The following MYO18B variants were observed in gnomAD, a reference collection of about 807,000 sequenced individuals.
MYO18B encodes the protein unconventional myosin-XVIIIb.
Under a neutral mutation model 273.0 loss-of-function variants are expected in MYO18B, and 204 were observed. The observed-to-expected ratio is 0.75, with a 90% CI of 0.67 to 0.84. MYO18B has a LOEUF of 0.84. Ranked by LOEUF, MYO18B falls within the 40% of genes least tolerant of loss-of-function variation. MYO18B has a pLI of 0.00. For missense variants in MYO18B, 3,212 were observed against 3,287.6 expected (o/e 0.98, Z 0.56); for synonymous variants, 1,330 against 1,305.7 (o/e 1.02, Z -0.40).
At chr22:25,778,070 G>A (rs2086987470) in intron 8 of MYO18B, among the ~76,000 whole-genome samples, 1 of 152,154 alleles carries the variant, frequency 6.6e-6, no homozygotes, top group Admixed American at 6.5e-5. Context: ...CTGGGAAATC[G>A]TCCTAATAGA....
At chr22:25,761,660 G>A (rs2086323750) in intron 2 of MYO18B, among the ~76,000 whole-genome samples, 2 of 152,156 alleles carry the variant, frequency 1.3e-5, no homozygotes, top group Admixed American at 1.3e-4. Context: ...TAAGATGCCT[G>A]TTACTTCCTG....
At chr22:25,798,703 C>T (rs946846178) in intron 12 of MYO18B, among the ~76,000 whole-genome samples, 2 of 152,052 alleles carry the variant, frequency 1.3e-5, no homozygotes, top group East Asian at 3.9e-4. Context: ...GGGACTACAG[C>T]TGTGCACCCC....
At chr22:25,947,565 T>G in intron 35 of MYO18B, 147 bp from the exon 36 acceptor site, 14 of 449,492 alleles carry the variant, frequency 3.1e-5, no homozygotes, top group East Asian at 1.4e-4. Context: ...ACCTACCACA[T>G]GCATTGGTAA....
Position 25,763,388 on chromosome 22 carries a change from A to T in MYO18B, c.197A>T (p.Glu66Val). Residue 66 changes from glutamate (E) to valine (V), a missense_variant and splice_region_variant, in exon 3 of 44, where the codon GAG becomes GTG. By Grantham distance (121) the Glu-to-Val change is moderately radical. Transcript: ENST00000335473. ...TTAGCTGTCGCCTCTCCAGAACGAG[A>T]GGTAAGTGGTTCCTAAGAAGGAGGA... Reference protein sequence around the residue: ...KQLAVASPEREIPEISISQPN... With the variant: ...KQLAVASPERVIPEISISQPN... The T allele has an allele frequency of 4.4e-6, 7 of 1,607,136 alleles. No individual in the cohort carries two copies. Among genetic ancestry groups the T allele is most frequent in the Non-Finnish European group, 5.9e-6 (7 of 1,178,356 alleles).
At chr22:25,872,488 A>C (rs973478136) in intron 22 of MYO18B, among the ~76,000 whole-genome samples, 3 of 152,238 alleles carry the variant, frequency 2.0e-5, no homozygotes, top group Non-Finnish European at 4.4e-5. Context: ...GAGCCAGTAC[A>C]TTCCTCATAG....
At position 25,877,513 on chromosome 22, in the gene MYO18B, G is replaced by A. The variant is rs2091232587; in HGVS notation, c.4225-446G>A. ...ATGGAGTCTCGCTCTTGTTGCCCAG[G>A]CTGGAGTGCAGTGGTGCTATCTCGG... On this transcript the variant is annotated intron_variant, in intron 24 of 43. Coordinates refer to ENST00000335473, the MANE Select transcript of MYO18B (RefSeq NM_032608.7). 1.3e-5 allele frequency among the ~76,000 whole-genome samples: 2 copies of A among 152,076 alleles called. 1 individual carries two copies. Among genetic ancestry groups the A allele is most frequent in the South Asian group, 4.1e-4 (2 of 4,824 alleles).
At chr22:25,939,066 C>T (rs1455985136) in intron 34 of MYO18B, among the ~76,000 whole-genome samples, 3 of 152,316 alleles carry the variant, frequency 2.0e-5, no homozygotes, top group East Asian at 3.9e-4. Flanking sequence ...GCTCCCACCT[C>T]GGCCTCACAA....
In MYO18B at chr22:25,842,271, C is replaced by A. The variant is rs117542329; in HGVS notation, c.3209-1464C>A. On this transcript the variant is annotated intron_variant, in intron 17 of 43. Transcript: ENST00000335473. Reference sequence around the variant, plus strand: ...CAAATTAGGATTTGAGGGGAAGACTCAGGACCCTAGTGCATGCAAGTACGT... The same window carrying A: ...CAAATTAGGATTTGAGGGGAAGACTAAGGACCCTAGTGCATGCAAGTACGT... Among the ~76,000 whole-genome samples the A allele has an allele frequency of 1.4e-3, 214 of 152,312 alleles. 1 individual carries two copies. The East Asian group carries it at 0.035, about 25-fold the overall frequency.
chr22:25,867,652 C>T (rs61445632), intron 21 of MYO18B, among the ~76,000 whole-genome samples: 4,114 of 112,892 alleles, frequency 0.036, 185 homozygotes, highest in African/African-American at 0.12. Flanking sequence ...TTTTTTGAGA[C>T]GGAGTCTCGC....
In MYO18B at chr22:25,890,822, G is replaced by C; in HGVS notation, c.4381G>C (p.Glu1461Gln). The C allele has an allele frequency of 6.2e-7, 1 of 1,613,992 alleles. No individual in the cohort carries two copies. Among genetic ancestry groups the C allele is most frequent in the Non-Finnish European group, 8.5e-7 (1 of 1,179,898 alleles). Residue 1461 changes from glutamate to glutamine, a missense_variant, in exon 26 of 44, where the codon GAG becomes CAG. By Grantham distance (29) the Glu-to-Gln change is conservative. Transcript: ENST00000335473. The part of the protein sequence containing the change: ...FKGDVACQVL[E>Q]SERAERLQAF... ...AGGTGATGTGGCCTGCCAGGTGCTG[G>C]AGAGTGAGCGGGCAGAGCGGCTACA...
intron 34 of MYO18B, among the ~76,000 whole-genome samples, chr22:25,936,856 A>C (rs2092584877): frequency 1.3e-5 from 2 of 152,006 alleles, no homozygotes; most frequent in Non-Finnish European, 2.9e-5. Context: ...GAATCTCATC[A>C]TGGAGGCCCC....
chr22:25,770,973 C>A lies in MYO18B; in HGVS notation c.1681C>A (p.His561Asn). 6.4e-7 allele frequency: 1 copy of A among 1,551,926 alleles called. No individual in the cohort carries two copies. The highest frequency in any genetic ancestry group is 8.7e-7 in the Non-Finnish European group (1 of 1,146,924). ...DKTITEVDEE[H>N]VHRANPPELD... ...AACCATCACTGAGGTGGATGAGGAGCATGTCCATCGGGTGAGTCCCCTGTC... is the reference window on the plus strand; with the variant it reads ...AACCATCACTGAGGTGGATGAGGAGAATGTCCATCGGGTGAGTCCCCTGTC... The change falls in exon 6 of 44, where the codon CAT (histidine) becomes AAT (asparagine). Residue 561 changes from histidine to asparagine, a missense_variant. Coordinates refer to ENST00000335473, the MANE Select transcript of MYO18B (RefSeq NM_032608.7).
intron 12 of MYO18B, among the ~76,000 whole-genome samples, chr22:25,806,777 A>G (rs1372028292): frequency 6.6e-6 from 1 of 152,170 alleles, no homozygotes; most frequent in East Asian, 1.9e-4. Context: ...TAAACTTGGT[A>G]AAGAGAGAGT....
chr22:25,994,275 TGGGAAACATAA>T (rs1932997134), intron 40 of MYO18B, among the ~76,000 whole-genome samples: 1 of 152,156 alleles, frequency 6.6e-6, no homozygotes, highest in African/African-American at 2.4e-5. Context: ...AAGACCAGCC[TGGGAAACATAA>T]GGAGTCTCCA....
intron 40 of MYO18B, 82 bp from the exon 41 acceptor site, chr22:26,003,183 A>G (rs1441100559): frequency 3.1e-6 from 4 of 1,273,242 alleles, no homozygotes; most frequent in African/African-American, 1.5e-5. Context: ...ATTCACACTC[A>G]TGTCTGTCTA....
Position 25,947,802 on chromosome 22 carries a change from C to G in MYO18B, c.5722C>G (p.Gln1908Glu). 5 of 1,613,802 alleles carry G rather than the reference C, an allele frequency of 3.1e-6. No individual in the cohort carries two copies. The highest frequency in any genetic ancestry group is 4.2e-6 in the Non-Finnish European group (5 of 1,179,826). The change falls in exon 36 of 44, where the codon CAG becomes GAG. Residue 1908 changes from glutamine to glutamate, a missense_variant. Gln to Glu is a conservative substitution (Grantham distance 29). Transcript: ENST00000335473. ...EDQDDLNELM[Q>E]KHKDLIAQSA... ...CCAGGATGACCTGAATGAGCTGATG[C>G]AGAAGCACAAGGACCTCATTGCTCA...
Position 26,027,559 on chromosome 22 carries a change from G to A in MYO18B, c.7585G>A (p.Gly2529Arg). 6.2e-7 allele frequency: 1 copy of A among 1,614,028 alleles called. No homozygotes were observed. Among genetic ancestry groups the A allele is most frequent in the Non-Finnish European group, 8.5e-7 (1 of 1,179,900 alleles). Reference sequence around the variant, plus strand: ...TGCTGACAGCATCAAAAGTCGACCAGGAATCCCACGACTTGCGGGTGACGG... The same window carrying A: ...TGCTGACAGCATCAAAAGTCGACCAAGAATCCCACGACTTGCGGGTGACGG... The part of the protein sequence containing the change: ...KSADSIKSRP[G>R]IPRLAGDGGE... Residue 2529 changes from glycine (G) to arginine (R), a missense_variant, in exon 43 of 44, where the codon GGA (glycine) becomes AGA (arginine). Transcript: ENST00000335473. The surrounding 1 kb of genome is among the most constrained non-coding windows in gnomAD (Gnocchi z 4.1).
intron 33 of MYO18B, among the ~76,000 whole-genome samples, chr22:25,917,917 G>A (rs2092287116): frequency 6.6e-6 from 1 of 152,102 alleles, no homozygotes; most frequent in African/African-American, 2.4e-5. Flanking sequence ...CAGTAATGCT[G>A]TGGGATAGAT....
At chr22:25,963,113 CT>C (rs1285501878) in intron 39 of MYO18B, among the ~76,000 whole-genome samples, 1 of 151,498 alleles carries the variant, frequency 6.6e-6, no homozygotes, top group Non-Finnish European at 1.5e-5. Flanking sequence ...TGCTGTTTCT[CT>C]CTCTCTCTCC....
Sources: gnomAD v4.1 joint callset for allele counts (sites outside exome capture counted in the v4.1 genomes callset) on GRCh38, gnomAD v4.1.1 for gene constraint, Gnocchi (gnomAD v3.1) non-coding constraint, MANE v1.5 for transcripts, NCBI Gene and HGNC (gene_info 2026-07-23, HGNC 2026-07-21) for gene names.